The following RBFOX1 variants were observed in gnomAD, a reference collection of about 807,000 sequenced individuals.
RBFOX1 encodes RNA binding protein fox-1 homolog 1.
A neutral mutation model predicts 57.7 loss-of-function variants in RBFOX1; 8 were observed. That is an observed-to-expected ratio of 0.14 (90% CI 0.08 to 0.25). The LOEUF is 0.25. RBFOX1 is among the 10% of genes least tolerant of loss of function. RBFOX1 has a pLI of 1.00. For synonymous variants in RBFOX1, 326 were observed against 222.4 expected, an observed-to-expected ratio of 1.47 and a Z score of -4.15; for missense variants, 611 against 548.5, an observed-to-expected ratio of 1.11 and a Z score of -1.14.
At chr16:7,058,005 G>GAAAAAAAAAAAAAA (rs145498650) in intron 4 of RBFOX1, among the ~76,000 whole-genome samples, 2 of 121,616 alleles carry the variant, frequency 1.6e-5, no homozygotes. Context: ...GAGACTGTGG[G>GAAAAAAAAAAAAAA]GAAAAAAAAA....
chr16:7,392,319 C>G lies in RBFOX1; in HGVS notation c.28-125828C>G, dbSNP rs572212506. 2.6e-5 allele frequency among the ~76,000 whole-genome samples: 4 copies of G among 152,232 alleles called. No individual in the cohort carries two copies. In the South Asian group the frequency reaches 8.3e-4, roughly 32 times the overall value. Reference sequence around the variant, plus strand: ...TTGCATTTCCCTCCAGATCACGTCCCAAAATTATAATGAATATATGTTTGC... The same window carrying G: ...TTGCATTTCCCTCCAGATCACGTCCGAAAATTATAATGAATATATGTTTGC... On this transcript the variant is annotated intron_variant, in intron 4 of 15. Transcript: ENST00000550418.
At chr16:7,119,730 A>C (rs1456539526) in intron 4 of RBFOX1, among the ~76,000 whole-genome samples, 1 of 152,096 alleles carries the variant, frequency 6.6e-6, no homozygotes, top group Admixed American at 6.6e-5. Flanking sequence ...AACTGATAGA[A>C]CTGAAAAGAG....
At chr16:6,432,808 T>C (rs1007230520) in intron 2 of RBFOX1, among the ~76,000 whole-genome samples, 1 of 151,700 alleles carries the variant, frequency 6.6e-6, no homozygotes, top group Non-Finnish European at 1.5e-5. Context: ...TGAAACCCCA[T>C]CTCTAATAAA....
intron 3 of RBFOX1, among the ~76,000 whole-genome samples, chr16:5,748,861 C>G (rs931623255): frequency 6.6e-5 from 10 of 152,138 alleles, no homozygotes; most frequent in Non-Finnish European, 8.8e-5. Context: ...GAGCATTTAG[C>G]CCATTGACAT....
chr16:7,207,667 T>G (rs11864976), intron 4 of RBFOX1, among the ~76,000 whole-genome samples: 17,625 of 152,178 alleles, frequency 0.12, 1,196 homozygotes, highest in African/African-American at 0.17. Flanking sequence ...GCGGAAGAAA[T>G]GTTTTATCTT....
At chr16:5,647,198 A>G (rs1470564619) in intron 3 of RBFOX1, among the ~76,000 whole-genome samples, 2 of 152,194 alleles carry the variant, frequency 1.3e-5, no homozygotes, top group African/African-American at 4.8e-5. Context: ...GTTTCACTGA[A>G]TATGAACCCC....
chr16:7,412,476 A>G (rs897141879), intron 4 of RBFOX1, among the ~76,000 whole-genome samples: 2 of 152,158 alleles, frequency 1.3e-5, no homozygotes, highest in African/African-American at 4.8e-5. Flanking sequence ...CTCTGTACAA[A>G]CTTCACAACA....
intron 4 of RBFOX1, among the ~76,000 whole-genome samples, chr16:5,893,341 C>G (rs571408180): frequency 6.6e-6 from 1 of 152,220 alleles, no homozygotes; most frequent in African/African-American, 2.4e-5. Flanking sequence ...TGAATAAGAC[C>G]TAGTATTGCT....
intron 2 of RBFOX1, among the ~76,000 whole-genome samples, chr16:5,541,718 C>T (rs896165513): frequency 1.3e-5 from 2 of 152,162 alleles, no homozygotes; most frequent in Non-Finnish European, 2.9e-5. Context: ...TTTCCTTTCA[C>T]AGTATCCTTA....
intron 1 of RBFOX1, among the ~76,000 whole-genome samples, chr16:6,292,356 A>G (rs2152724448): frequency 6.6e-6 from 1 of 151,470 alleles, no homozygotes; most frequent in South Asian, 2.1e-4. Flanking sequence ...ATTGGTGGAA[A>G]CAGTTCCACA....
intron 3 of RBFOX1, among the ~76,000 whole-genome samples, chr16:5,644,099 A>T (rs1191981285): frequency 6.6e-6 from 1 of 152,234 alleles, no homozygotes; most frequent in African/African-American, 2.4e-5. Context: ...GAATGAGCCC[A>T]TTAACCAAAT....
chr16:5,556,487 G>C (rs373645966), intron 2 of RBFOX1, among the ~76,000 whole-genome samples: 2 of 152,182 alleles, frequency 1.3e-5, no homozygotes, highest in African/African-American at 2.4e-5. Flanking sequence ...TTTTCCCCCC[G>C]CTTTTTCTAA....
chr16:5,826,935 A>G (rs947799796), intron 3 of RBFOX1, among the ~76,000 whole-genome samples: 1 of 152,176 alleles, frequency 6.6e-6, no homozygotes, highest in Non-Finnish European at 1.5e-5. Context: ...AATATCTTTG[A>G]AATATTCCAG....
intron 2 of RBFOX1, among the ~76,000 whole-genome samples, chr16:5,468,360 C>T (rs1597188624): frequency 6.6e-6 from 1 of 152,252 alleles, no homozygotes; most frequent in East Asian, 1.9e-4. Flanking sequence ...TTCTCCTCTC[C>T]CTTCAGCCCC....
chr16:6,684,704 C>A (rs1189779002), intron 3 of RBFOX1, among the ~76,000 whole-genome samples: 2 of 152,132 alleles, frequency 1.3e-5, no homozygotes, highest in Non-Finnish European at 2.9e-5. Context: ...TTAAAGATCA[C>A]CTTAAATTGT....
chr16:6,999,225 A>ATTTTTTTTTAT (rs200620958), intron 3 of RBFOX1, among the ~76,000 whole-genome samples: 1 of 122,956 alleles, frequency 8.1e-6, no homozygotes, highest in Non-Finnish European at 1.7e-5. Flanking sequence ...TATTTTTTTT[A>ATTTTTTTTTAT]TTTATTTTTT....
At chr16:7,080,071 ATATATACATATGTATATATGTATATATAT>A (rs1567182865) in intron 4 of RBFOX1, among the ~76,000 whole-genome samples, 1 of 136,132 alleles carries the variant, frequency 7.3e-6, no homozygotes, top group African/African-American at 3.1e-5. Flanking sequence ...ATATATATAC[ATATATACATATGTATATATGTATATATAT>A]ATAAAACCAC....
intron 1 of RBFOX1, among the ~76,000 whole-genome samples, chr16:6,268,164 G>A (rs1686602504): frequency 6.6e-6 from 1 of 152,158 alleles, no homozygotes; most frequent in Non-Finnish European, 1.5e-5. Context: ...TACCTTTTCT[G>A]TAGCAGAACG....
At chr16:6,924,356 G>T (rs2075124361) in intron 3 of RBFOX1, among the ~76,000 whole-genome samples, 1 of 151,908 alleles carries the variant, frequency 6.6e-6, no homozygotes, top group African/African-American at 2.4e-5. Context: ...CAGGGAAGAG[G>T]AACACGCAAG....
Sources: gnomAD v4.1 joint callset for allele counts (sites outside exome capture counted in the v4.1 genomes callset) on GRCh38, gnomAD v4.1.1 for gene constraint, MANE v1.5 for transcripts, NCBI Gene and HGNC (gene_info 2026-07-23, HGNC 2026-07-21) for gene names.